Variants in CCL28 observed in about 807,000 individuals in gnomAD.
CCL28 encodes the protein C-C motif chemokine ligand 28, also known as C-C motif chemokine 28.
Under a neutral mutation model 7.1 loss-of-function variants are expected in CCL28, and 4 were observed. That is an observed-to-expected ratio of 0.56 (90% CI 0.28 to 1.29). CCL28 has a LOEUF of 1.29. Among genes scored for constraint, CCL28 ranks in the 50% most tolerant of loss-of-function variants. CCL28 has a pLI of 0.11. For synonymous variants in CCL28, 55 were observed against 57.8 expected (o/e 0.95, Z 0.22); for missense variants, 151 against 163.4 (o/e 0.92, Z 0.41).
chr5:43,375,883 A>C (rs1246487642), downstream of CCL28, among the ~76,000 whole-genome samples: 1 of 151,670 alleles, frequency 6.6e-6, no homozygotes, highest in Non-Finnish European at 1.5e-5. Context: ...AAAATATAAA[A>C]AATTAGCCGG....
the CCL28 span, among the ~76,000 whole-genome samples, chr5:43,362,969 T>C: frequency 6.6e-6 from 1 of 152,264 alleles, no homozygotes; most frequent in Non-Finnish European, 1.5e-5. Flanking sequence ...TAATATCTTA[T>C]GCAACCAGTA....
At chr5:43,364,426 A>G in the CCL28 span, among the ~76,000 whole-genome samples, 1 of 152,182 alleles carries the variant, frequency 6.6e-6, no homozygotes, top group Non-Finnish European at 1.5e-5. Context: ...TGATCATTAT[A>G]CAACATATAT....
At chr5:43,410,693 G>C (rs1054151870) in intron 1 of CCL28, among the ~76,000 whole-genome samples, 1 of 152,156 alleles carries the variant, frequency 6.6e-6, no homozygotes, top group Non-Finnish European at 1.5e-5. Context: ...GGGACAGGTG[G>C]GAGTAGGTCA....
chr5:43,405,789 A>T (rs1472528537), intron 1 of CCL28, among the ~76,000 whole-genome samples: 2 of 152,162 alleles, frequency 1.3e-5, no homozygotes, highest in African/African-American at 4.8e-5. Context: ...AATCAAATAG[A>T]CGCAATAAAA....
the CCL28 span, among the ~76,000 whole-genome samples, chr5:43,360,422 C>T: frequency 6.6e-6 from 1 of 152,070 alleles, no homozygotes; most frequent in African/African-American, 2.4e-5. Context: ...TCCTTCTACC[C>T]ACCCTCCACC....
the CCL28 span, among the ~76,000 whole-genome samples, chr5:43,367,000 T>C: frequency 2.6e-5 from 4 of 152,264 alleles, no homozygotes; most frequent in Non-Finnish European, 4.4e-5. Context: ...TTGTTTACAC[T>C]GTGTTTGTGT....
intron 1 of CCL28, among the ~76,000 whole-genome samples, chr5:43,388,971 G>A (rs1740453401): frequency 6.6e-6 from 1 of 152,198 alleles, no homozygotes; most frequent in South Asian, 2.1e-4. Flanking sequence ...GTGTTAAAGA[G>A]TTATGTTCAA....
downstream of CCL28, among the ~76,000 whole-genome samples, chr5:43,372,770 CT>C (rs879466483): frequency 5.1e-3 from 683 of 133,442 alleles, no homozygotes; most frequent in Admixed American, 4.9e-3. Flanking sequence ...TATGAACATT[CT>C]TTTTTTTTTT....
chr5:43,381,991 T>C lies in CCL28; in HGVS notation c.253A>G (p.Met85Val). 6.2e-7 allele frequency: 1 copy of C among 1,614,214 alleles called. No homozygotes were observed. The highest frequency in any genetic ancestry group is 8.5e-7 in the Non-Finnish European group (1 of 1,180,038). The change falls in exon 3 of 3, where the codon ATG (methionine) becomes GTG (valine). Residue 85 changes from methionine (M) to valine (V), a missense_variant. Transcript: ENST00000361115. ...TTTTTCTTGGCAGCTTGCACTTTCA[T>C]CCACTGCTTAACAGTATGGTTGTGC... is the stretch of plus-strand genomic sequence containing the variant. ...SPHNHTVKQW[M>V]KVQAAKKNGK...
chr5:43,383,274 A>G (rs1274852788), intron 2 of CCL28, among the ~76,000 whole-genome samples: 1 of 152,194 alleles, frequency 6.6e-6, no homozygotes, highest in Non-Finnish European at 1.5e-5. Context: ...AAATGTCACA[A>G]ATCCTGCTGG....
intron 1 of CCL28, among the ~76,000 whole-genome samples, chr5:43,409,512 A>G (rs1007798836): frequency 6.6e-6 from 1 of 152,126 alleles, no homozygotes; most frequent in Admixed American, 6.6e-5. Flanking sequence ...AGGGACCACA[A>G]TTGGAGTCCC....
chr5:43,411,542 T>A (rs538055992), intron 1 of CCL28, among the ~76,000 whole-genome samples: 1 of 151,998 alleles, frequency 6.6e-6, no homozygotes, highest in South Asian at 2.1e-4. Context: ...TCCCCTCCCC[T>A]CTTTTTGTTT....
At chr5:43,396,268 A>C (rs1367864381) in intron 1 of CCL28, among the ~76,000 whole-genome samples, 1 of 152,104 alleles carries the variant, frequency 6.6e-6, no homozygotes, top group Non-Finnish European at 1.5e-5. Context: ...AGTGAGGGCG[A>C]CCAGAGGTTA....
Position 43,403,402 on chromosome 5 carries a change from T to C in CCL28, c.64+8851A>G, listed in dbSNP as rs574168697. 2.0e-5 allele frequency among the ~76,000 whole-genome samples: 3 copies of C among 152,260 alleles called. No homozygotes were observed. The South Asian group carries it at 6.2e-4, about 32-fold the overall frequency. The stretch of plus-strand genomic sequence containing the variant: ...GCTGGTGATATCCAGGCAAACAGGG[T>C]CTGGAGTGGACCTCCAGCAAACTCC... On this transcript the variant is annotated intron_variant, in intron 1 of 2. Transcript: ENST00000361115.
At chr5:43,383,677 A>T (rs1225418069) in intron 2 of CCL28, among the ~76,000 whole-genome samples, 3 of 152,168 alleles carry the variant, frequency 2.0e-5, no homozygotes, top group East Asian at 1.9e-4. Flanking sequence ...GGAAACAAAA[A>T]CAAACAAACA....
At chr5:43,391,223 A>G (rs1319630243) in intron 1 of CCL28, among the ~76,000 whole-genome samples, 1 of 152,192 alleles carries the variant, frequency 6.6e-6, no homozygotes, top group African/African-American at 2.4e-5. Context: ...TGAAAAATGG[A>G]TAGAATATGA....
At position 43,380,926 on chromosome 5, in the gene CCL28, G is replaced by A. The variant is rs1301719203; in HGVS notation, c.*934C>T. On this transcript the variant is annotated 3_prime_UTR_variant, in exon 3 of 3. Coordinates refer to ENST00000361115, the MANE Select transcript of CCL28 (RefSeq NM_148672.3). Reference sequence around the variant, plus strand: ...ATGTCAACCTTGATTGATTACTGGAGTGAAAAAAAAACTACATAAAATGCT... The same window carrying A: ...ATGTCAACCTTGATTGATTACTGGAATGAAAAAAAAACTACATAAAATGCT... 6.6e-6 allele frequency: 1 copy of A among 151,510 alleles called. No homozygotes were observed. The highest frequency in any genetic ancestry group is 1.5e-5 in the Non-Finnish European group (1 of 67,922). 9.4% of individuals were successfully genotyped at this position (151,510 alleles called of 1,614,324 possible). A position where few individuals can be genotyped will look rare whatever the true frequency, so the allele number is the denominator to read the frequency against.
At chr5:43,394,700 A>C (rs1406771278) in intron 1 of CCL28, among the ~76,000 whole-genome samples, 3 of 152,170 alleles carry the variant, frequency 2.0e-5, no homozygotes, top group Admixed American at 6.5e-5. Context: ...TAGATACTCC[A>C]GTTTTACAGG....
chr5:43,397,986 G>C (rs1041400872), intron 1 of CCL28, among the ~76,000 whole-genome samples: 3 of 151,990 alleles, frequency 2.0e-5, no homozygotes, highest in South Asian at 2.1e-4. Context: ...TCAAGAAAAA[G>C]CTCCCTTGGG....
Sources: allele counts gnomAD v4.1 joint callset (sites outside exome capture counted in the v4.1 genomes callset), GRCh38; gene constraint gnomAD v4.1.1; transcripts MANE v1.5; gene names NCBI Gene and HGNC (gene_info 2026-07-23, HGNC 2026-07-21).